Variants in MGAM observed in about 807,000 individuals in gnomAD.
The protein encoded by MGAM is alpha-1,4-glucosidase.
In MGAM, 253 loss-of-function variants were observed where a neutral mutation model predicts 358.8. The observed-to-expected ratio is 0.71, with a 90% CI of 0.64 to 0.78. MGAM has a LOEUF of 0.78. MGAM is among the 30% of genes least tolerant of loss of function. The pLI, the probability that MGAM is intolerant of heterozygous loss-of-function variation, is 0.00. For missense variants in MGAM, 3,080 were observed against 3,432.6 expected (o/e 0.90, Z 2.57); for synonymous variants, 1,105 against 1,227.1 (o/e 0.90, Z 2.08).
intron 43 of MGAM, 82 bp from the exon 44 acceptor site, chr7:142,070,912 G>A (rs1250199296): frequency 1.3e-6 from 2 of 1,491,314 alleles, no homozygotes; most frequent in East Asian, 2.3e-5. Flanking sequence ...TCAGAGGGGA[G>A]GATGAGATGT....
intron 68 of MGAM, 48 bp downstream of exon 68, chr7:142,100,938 C>T: frequency 6.6e-7 from 1 of 1,523,748 alleles, no homozygotes; most frequent in Non-Finnish European, 9.0e-7. Context: ...TGACTACATT[C>T]CTGGATTATC....
At chr7:142,045,451 A>G (rs1810098101) in intron 21 of MGAM, among the ~76,000 whole-genome samples, 1 of 112,124 alleles carries the variant, frequency 8.9e-6, no homozygotes, top group African/African-American at 3.7e-5. Context: ...ATATACCTAT[A>G]ATACATGATA....
At chr7:142,064,641 C>T (rs1812550909) in intron 37 of MGAM, 119 bp downstream of exon 37, 2 of 1,341,200 alleles carry the variant, frequency 1.5e-6, no homozygotes, top group East Asian at 5.1e-5. Context: ...TCTCATAACT[C>T]TGTAATGATT....
chr7:142,065,289 C>G, intron 37 of MGAM, 46 bp from the exon 38 acceptor site: 1 of 1,587,312 alleles, frequency 6.3e-7, no homozygotes. Flanking sequence ...ATGGCCTTTA[C>G]TCCCTGGCTG....
chr7:142,047,007 A>G (rs1240854024), intron 21 of MGAM, among the ~76,000 whole-genome samples: 1 of 152,166 alleles, frequency 6.6e-6, no homozygotes, highest in African/African-American at 2.4e-5. Context: ...GTTTTTGCTG[A>G]TAATAAAAAC....
intron 68 of MGAM, among the ~76,000 whole-genome samples, chr7:142,101,460 C>T (rs1816437326): frequency 6.6e-6 from 1 of 151,186 alleles, no homozygotes; most frequent in Non-Finnish European, 1.5e-5. Flanking sequence ...AAATGTGTGA[C>T]AAGTGCATCT....
In MGAM at chr7:142,072,788, C is replaced by T. The variant is rs1415501282; in HGVS notation, c.5187-1297C>T. 4.8e-5 allele frequency among the ~76,000 whole-genome samples: 7 copies of T among 146,168 alleles called. 1 individual carries two copies. Among genetic ancestry groups the T allele is most frequent in the South Asian group, 2.2e-4 (1 of 4,618 alleles). ...TCACGTTAACTTCCATCAAGGATCC[C>T]GGCTTCATGTGGGAATCAGAGGTTC... On this transcript the variant is annotated intron_variant, in intron 44 of 70. Transcript: ENST00000475668.
In MGAM at chr7:142,009,889, G is replaced by A. The variant is rs368828145; in HGVS notation, c.327+1184G>A. Among the ~76,000 whole-genome samples the A allele has an allele frequency of 7.2e-5, 11 of 152,270 alleles. No homozygotes were observed. The South Asian group carries it at 1.7e-3, about 23-fold the overall frequency. On this transcript the variant is annotated intron_variant, in intron 3 of 70. Coordinates refer to ENST00000475668, the MANE Select transcript of MGAM (RefSeq NM_001365693.1). ...ATGGATAATGATGTGTTTGTATGGT[G>A]TTCACATTAAAGGGAATGTAGCTGA...
intron 58 of MGAM, among the ~76,000 whole-genome samples, chr7:142,092,258 G>T (rs1815458921): frequency 6.9e-6 from 1 of 145,910 alleles, no homozygotes. Flanking sequence ...AACCTCTGAG[G>T]CAATTGACTA....
intron 21 of MGAM, among the ~76,000 whole-genome samples, chr7:142,045,875 A>G (rs1183738218): frequency 8.7e-6 from 1 of 115,278 alleles, no homozygotes; most frequent in African/African-American, 3.5e-5. Context: ...TATACATACA[A>G]TATGTAATAT....
intron 65 of MGAM, 124 bp downstream of exon 65, chr7:142,096,539 T>C (rs62479367): frequency 0.38 from 375,194 of 992,864 alleles, 52,627 homozygotes; most frequent in Non-Finnish European, 0.42. Context: ...CCTGTGTCTC[T>C]TCCTCTCTTT....
In MGAM at chr7:142,073,335, AG is replaced by A. The variant is rs770306177; in HGVS notation, c.5187-748del. Among the ~76,000 whole-genome samples the A allele has an allele frequency of 1.5e-4, 22 of 146,324 alleles. 2 individuals carry two copies. The highest frequency in any genetic ancestry group is 2.9e-4 in the Non-Finnish European group (19 of 64,548). Reference sequence around the variant, plus strand: ...GAAACTAACTCTCTTGCATAGTGAAAGGCTGAACTGTGGAAGAATACAGTGG... The same window carrying A: ...GAAACTAACTCTCTTGCATAGTGAAAGCTGAACTGTGGAAGAATACAGTGG... On this transcript the variant is annotated intron_variant, in intron 44 of 70. Coordinates refer to ENST00000475668, the MANE Select transcript of MGAM (RefSeq NM_001365693.1).
intron 1 of MGAM, among the ~76,000 whole-genome samples, chr7:141,998,091 T>C (rs1411236894): frequency 1.3e-5 from 2 of 152,238 alleles, no homozygotes; most frequent in African/African-American, 4.8e-5. Flanking sequence ...ATAGCCATTT[T>C]AATAATTTGG....
At chr7:141,994,241 C>A (rs1554447932), upstream of MGAM, among the ~76,000 whole-genome samples, 1 of 152,130 alleles carries the variant, frequency 6.6e-6, no homozygotes, top group African/African-American at 2.4e-5. Context: ...TTGCCCACTG[C>A]CCTCCAAAAA....
upstream of MGAM, among the ~76,000 whole-genome samples, chr7:141,993,795 G>C (rs987300037): frequency 6.6e-5 from 10 of 152,126 alleles, no homozygotes; most frequent in African/African-American, 2.4e-4. Flanking sequence ...ACAATCTCAA[G>C]ATATTGTTTA....
At position 142,095,666 on chromosome 7, in the gene MGAM, T is replaced by A. The variant is rs147084365; in HGVS notation, c.7560T>A (p.His2520Gln). ...TLLPYLYTLM[H>Q]KAHTEGVTVV... ...TGCCATATCTGTATACCTTGATGCA[T>A]AAGGCCCACACGGAGGGCGTCACTG... The change falls in exon 64 of 71, where the codon CAT becomes CAA. Residue 2520 changes from histidine to glutamine, a missense_variant. Around this residue, in one of 5 missense-constraint regions of MGAM, gnomAD observed 932 missense variants for 1,198.2 expected, o/e 0.78. Coordinates refer to ENST00000475668, the MANE Select transcript of MGAM (RefSeq NM_001365693.1). 1.1e-5 allele frequency: 17 copies of A among 1,613,974 alleles called. No homozygotes were observed. The highest frequency in any genetic ancestry group is 5.5e-5 in the South Asian group (5 of 91,082).
rs1443636845 is a variant in MGAM at position 142,042,454 on chromosome 7, A to G, written c.2498+1608A>G. On this transcript the variant is annotated intron_variant, in intron 21 of 70. Transcript: ENST00000475668. ...ATATATAACATATAATATATAATAT[A>G]ACATATAATATATAATATATAATAT... is the stretch of plus-strand genomic sequence containing the variant. Among the ~76,000 whole-genome samples the G allele has an allele frequency of 2.2e-3, 46 of 20,934 alleles. 9 individuals are homozygous for G. The highest frequency in any genetic ancestry group is 5.8e-3 in the Admixed American group (5 of 862). 13.7% of individuals were successfully genotyped at this position (20,934 alleles called of 152,430 possible). A position where few individuals can be genotyped will look rare whatever the true frequency, so the allele number is the denominator to read the frequency against.
rs777701353 is a variant in MGAM, at chr7:142,097,561, C to A, written c.7693-32C>A. ...GTTTCTCTGTCCTGGAAAATGGTGC[C>A]ACTGCCACACCTTGTTTATGTTTCA... On this transcript the variant is annotated intron_variant, in intron 65 of 70. Transcript: ENST00000475668. 3.1e-6 allele frequency: 5 copies of A among 1,597,076 alleles called. No homozygotes were observed. In the South Asian group the frequency reaches 5.5e-5, roughly 18 times the overall value.
rs755653951 is a variant in MGAM at position 142,105,816 on chromosome 7, A to G, written c.8187A>G (p.Val2729=). 6.2e-6 allele frequency: 10 copies of G among 1,612,342 alleles called. No individual in the cohort carries two copies. The East Asian group carries it at 1.8e-4, about 29-fold the overall frequency. ...PSFNNDPTTQ[V]LSIDVTDRNI... ...TCTTTTCCTTTGGTTCCTAACAGGT[A>G]TTAAGCATCGATGTGACTGACAGAA... Residue 2729 remains valine (V), a splice_region_variant and synonymous_variant, in exon 71 of 71, where the codon GTA becomes GTG. Transcript: ENST00000475668.
Sources: allele counts gnomAD v4.1 joint callset (sites outside exome capture counted in the v4.1 genomes callset), GRCh38; gene constraint gnomAD v4.1.1; regional missense constraint gnomAD v4.1.1; transcripts MANE v1.5; gene names NCBI Gene and HGNC (gene_info 2026-07-23, HGNC 2026-07-21).